The following SMARCC2 variants were observed in gnomAD, a reference collection of about 807,000 sequenced individuals.
SMARCC2 encodes SWI/SNF complex subunit SMARCC2.
In SMARCC2, 15 loss-of-function variants were observed where a neutral mutation model predicts 151.3. The observed-to-expected ratio is 0.10, with a 90% CI of 0.07 to 0.15. SMARCC2 has a LOEUF of 0.15. SMARCC2 is among the 10% of genes least tolerant of loss of function. SMARCC2 has a pLI of 1.00. For missense variants in SMARCC2, 1,031 were observed against 1,599.7 expected, an observed-to-expected ratio of 0.64 and a Z score of 6.06; for synonymous variants, 590 against 609.5, an observed-to-expected ratio of 0.97 and a Z score of 0.47.
At chr12:56,189,157 C>T (rs1410430736) in intron 1 of SMARCC2, among the ~76,000 whole-genome samples, 194 bp downstream of exon 1, 1 of 124,016 alleles carries the variant, frequency 8.1e-6, no homozygotes, top group Non-Finnish European at 1.7e-5. Flanking sequence ...GGGCTGGGCT[C>T]AGAGGCTGGG....
At chr12:56,182,204 C>T in intron 7 of SMARCC2, 125 bp from the exon 8 acceptor site, 2 of 616,544 alleles carry the variant, frequency 3.2e-6, no homozygotes, top group Non-Finnish European at 2.8e-6. Flanking sequence ...TTTTTGTATT[C>T]TATTCATTAT....
At chr12:56,168,446 C>T (rs1156768291) in intron 25 of SMARCC2, among the ~76,000 whole-genome samples, 3 of 151,568 alleles carry the variant, frequency 2.0e-5, no homozygotes, top group Non-Finnish European at 4.4e-5. Flanking sequence ...ATGATCTCAG[C>T]TCACTGTAAC....
Position 56,178,449 on chromosome 12 carries a change from T to C in SMARCC2, c.1265A>G (p.His422Arg). ...LHEDNVTEQT[H>R]HIIIPSYAAW... ...AGCGTAGCTGGGAATGATGATGTGG[T>C]GGGTCTGTTCAGTCACATTGTCCTC... Residue 422 changes from histidine to arginine, a missense_variant, in exon 14 of 29, where the codon CAC becomes CGC. His to Arg is a conservative substitution (Grantham distance 29). This residue lies in a region of SMARCC2 where 51 missense variants were observed against 135.1 expected (regional missense o/e 0.38). Coordinates refer to ENST00000550164, the MANE Select transcript of SMARCC2 (RefSeq NM_001330288.2). 1 of 1,614,204 alleles carries C rather than the reference T, an allele frequency of 6.2e-7. No homozygotes were observed. The highest frequency in any genetic ancestry group is 8.5e-7 in the Non-Finnish European group (1 of 1,180,020).
chr12:56,177,219 C>T, intron 15 of SMARCC2, among the ~76,000 whole-genome samples: 1 of 152,334 alleles, frequency 6.6e-6, no homozygotes, highest in African/African-American at 2.4e-5. Flanking sequence ...GCTGGGATTA[C>T]AGGCGTGAGC....
intron 25 of SMARCC2, among the ~76,000 whole-genome samples, 175 bp from the exon 26 acceptor site, chr12:56,168,369 TTTTTC>T (rs1176717235): frequency 6.6e-6 from 1 of 151,552 alleles, no homozygotes; most frequent in Non-Finnish European, 1.5e-5. Flanking sequence ...CACCGTGTCT[TTTTTC>T]TTTTTTCTTT....
chr12:56,167,048 G>C (rs1397697101), intron 26 of SMARCC2, among the ~76,000 whole-genome samples: 3 of 139,264 alleles, frequency 2.2e-5, no homozygotes, highest in African/African-American at 8.2e-5. Flanking sequence ...GGGCGAAAGA[G>C]TAAGACTCCA....
At chr12:56,173,908 G>C (rs1256676636) in intron 16 of SMARCC2, 59 bp from the exon 17 acceptor site, 2 of 1,513,062 alleles carry the variant, frequency 1.3e-6, no homozygotes, top group African/African-American at 2.8e-5. Flanking sequence ...GCACGAGGAA[G>C]AGGAAAAGTG....
Position 56,186,137 on chromosome 12 carries a change from T to G in SMARCC2, c.317+18A>C. The G allele has an allele frequency of 1.3e-6, 2 of 1,526,450 alleles. No individual in the cohort carries two copies. Among genetic ancestry groups the G allele is most frequent in the Non-Finnish European group, 1.8e-6 (2 of 1,100,410 alleles). 94.6% of individuals were successfully genotyped at this position (1,526,450 alleles called of 1,614,324 possible). A position where few individuals can be genotyped will look rare whatever the true frequency, so the allele number is the denominator to read the frequency against. On this transcript the variant is annotated intron_variant, in intron 3 of 28. Transcript: ENST00000550164. ...TCCTCTAAACTAAATATAAGAAGAA[T>G]AGAGAGAATCATCTCACCATCCCTG...
Position 56,181,847 on chromosome 12 carries a change from A to G in SMARCC2, c.709-12T>C. ...CACTTTGCATGAACCTAAAGTACAA[A>G]GGCAGATCATGCTGCAGAGAAGCCT... On this transcript the variant is annotated splice_polypyrimidine_tract_variant and intron_variant, in intron 8 of 28. Coordinates refer to ENST00000550164, the MANE Select transcript of SMARCC2 (RefSeq NM_001330288.2). 2 of 1,614,166 alleles carry G rather than the reference A, an allele frequency of 1.2e-6. No individual in the cohort carries two copies. Among genetic ancestry groups the G allele is most frequent in the Non-Finnish European group, 1.7e-6 (2 of 1,180,006 alleles).
At chr12:56,166,750 C>T (rs1460905772) in intron 26 of SMARCC2, among the ~76,000 whole-genome samples, 3 of 152,016 alleles carry the variant, frequency 2.0e-5, no homozygotes, top group Non-Finnish European at 4.4e-5. Flanking sequence ...CCACCACGCC[C>T]GGCTAATTTG....
chr12:56,186,082 A>C, intron 3 of SMARCC2, 73 bp downstream of exon 3: 1 of 1,080,314 alleles, frequency 9.3e-7, no homozygotes, highest in Non-Finnish European at 1.4e-6. Context: ...TCTACCCCAG[A>C]AAGATCCCAG....
rs137900179 is a variant in SMARCC2, at chr12:56,164,444, G to A, written c.3520C>T (p.Leu1174=). The A allele has an allele frequency of 6.2e-6, 10 of 1,614,036 alleles. No homozygotes were observed. The highest frequency in any genetic ancestry group is 8.5e-6 in the Non-Finnish European group (10 of 1,180,048). Residue 1174 remains leucine, a synonymous_variant, in exon 28 of 29, where the codon CTA becomes TTA. Coordinates refer to ENST00000550164, the MANE Select transcript of SMARCC2 (RefSeq NM_001330288.2). ...GTGGTCGCCGGCAGGTTAGGATGTA[G>A]AGGGTTCGCCATGGACACAGGCAGG... ...PNLPVSMANP[L]HPNLPATTTM... is the part of the protein sequence containing the mutation.
chr12:56,164,713 T>C lies in SMARCC2; in HGVS notation c.3251A>G (p.Asn1084Ser), dbSNP rs770346083. 16 of 1,609,796 alleles carry C rather than the reference T, an allele frequency of 9.9e-6. No homozygotes were observed. Among genetic ancestry groups the C allele is most frequent in the African/African-American group, 1.3e-5 (1 of 75,008 alleles). ...PGPHGPSPFP[N>S]QQTPPSMMPG... is the part of the protein sequence containing the mutation. Reference sequence around the variant, plus strand: ...CATCATTGAGGGAGGAGTTTGTTGGTTGGGGAACGGTGAGGGGCCTGAGAA... The same window carrying C: ...CATCATTGAGGGAGGAGTTTGTTGGCTGGGGAACGGTGAGGGGCCTGAGAA... The change falls in exon 28 of 29, where the codon AAC (asparagine) becomes AGC (serine). Residue 1084 changes from asparagine (N) to serine (S), a missense_variant. Coordinates refer to ENST00000550164, the MANE Select transcript of SMARCC2 (RefSeq NM_001330288.2).
At chr12:56,185,350 T>C (rs1877034294) in intron 3 of SMARCC2, 1 of 457,482 alleles carries the variant, frequency 2.2e-6, no homozygotes, top group Admixed American at 3.5e-5. Flanking sequence ...GGCTAATTTT[T>C]GTATTTTTAG....
chr12:56,167,999 C>T (rs1035694611), intron 26 of SMARCC2, 61 bp downstream of exon 26: 43 of 1,526,782 alleles, frequency 2.8e-5, no homozygotes, highest in Middle Eastern at 2.0e-4. Flanking sequence ...CACACACACA[C>T]GCCCCTCCGA....
At chr12:56,169,748 C>T in intron 24 of SMARCC2, 28 bp downstream of exon 24, 1 of 1,613,992 alleles carries the variant, frequency 6.2e-7, no homozygotes, top group Non-Finnish European at 8.5e-7. Context: ...CTGTCCTGCA[C>T]CCCCACCTAC....
chr12:56,177,482 A>T (rs2135714107), intron 15 of SMARCC2, among the ~76,000 whole-genome samples: 1 of 152,214 alleles, frequency 6.6e-6, no homozygotes, highest in East Asian at 1.9e-4. Flanking sequence ...CCTGGCCTCA[A>T]GGAATCCTTC....
At position 56,181,728 on chromosome 12, in the gene SMARCC2, A is replaced by T; in HGVS notation, c.816T>A (p.Ile272=). 1 of 1,614,160 alleles carries T rather than the reference A, an allele frequency of 6.2e-7. No homozygotes were observed. The highest frequency in any genetic ancestry group is 1.1e-5 in the South Asian group (1 of 91,078). The part of the protein sequence containing the change: ...DKNPVSRRKK[I]SAKTLTDEVN... The stretch of plus-strand genomic sequence containing the variant: ...CCTCATCTGTCAGTGTCTTGGCTGA[A>T]ATCTTCTTTCGGCGGGAGACAGGGT... Residue 272 remains isoleucine, a synonymous_variant, in exon 9 of 29, where the codon ATT becomes ATA. Coordinates refer to ENST00000550164, the MANE Select transcript of SMARCC2 (RefSeq NM_001330288.2).
rs371937061 is a variant in SMARCC2, at chr12:56,174,257, G to A, written c.1496+394C>T. Among the ~76,000 whole-genome samples, 16 of 152,206 alleles carry A rather than the reference G, an allele frequency of 1.1e-4. No homozygotes were observed. In the East Asian group the frequency reaches 1.9e-3, roughly 18 times the overall value. On this transcript the variant is annotated intron_variant, in intron 16 of 28. Coordinates refer to ENST00000550164, the MANE Select transcript of SMARCC2 (RefSeq NM_001330288.2). ...CCTGAGTCACTAAGACCACAGGCAC[G>A]TGCCACCATGCCTAGCTAATTTTTT...
Sources: gnomAD v4.1 joint callset for allele counts (sites outside exome capture counted in the v4.1 genomes callset) on GRCh38, gnomAD v4.1.1 for gene constraint, gnomAD v4.1.1 regional missense constraint, MANE v1.5 for transcripts, NCBI Gene and HGNC (gene_info 2026-07-23, HGNC 2026-07-21) for gene names.